Variants in MRTFB observed in about 807,000 individuals in gnomAD.
MRTFB encodes myocardin-related transcription factor B.
Under a neutral mutation model 104.2 loss-of-function variants are expected in MRTFB, and 29 were observed. The observed-to-expected ratio is 0.28, with a 90% CI of 0.21 to 0.38. The LOEUF (loss-of-function observed/expected upper bound fraction) is 0.38, where lower values mean the gene tolerates loss of function less well. Among genes scored for constraint, MRTFB ranks in the 10% least tolerant of loss-of-function variants. The pLI is 1.00. For synonymous variants in MRTFB, 535 were observed against 519.5 expected, an observed-to-expected ratio of 1.03 and a Z score of -0.41; for missense variants, 1,270 against 1,341.6, an observed-to-expected ratio of 0.95 and a Z score of 0.83.
intron 2 of MRTFB, among the ~76,000 whole-genome samples, chr16:14,092,117 A>G (rs1224220289): frequency 6.6e-6 from 1 of 152,178 alleles, no homozygotes; most frequent in Non-Finnish European, 1.5e-5. Flanking sequence ...TACAATGAGC[A>G]AAGTTTAGAT....
In MRTFB at chr16:14,177,903, G is replaced by GGGGTGTGTGTGT. The variant is rs1555495148; in HGVS notation, c.155-32339_155-32338insGGTGTGTGTGTG. Among the ~76,000 whole-genome samples the GGGGTGTGTGTGT allele has an allele frequency of 8.9e-5, 13 of 146,074 alleles. No individual in the cohort carries two copies. The highest frequency in any genetic ancestry group is 3.0e-4 in the African/African-American group (12 of 40,232). On this transcript the variant is annotated intron_variant, in intron 3 of 16. Coordinates refer to ENST00000571589, the MANE Select transcript of MRTFB (RefSeq NM_001308142.2). This position sits in a 1 kb window ranked among gnomAD's most constrained non-coding sequence, Gnocchi z 4.7. ...CGAGAAGTACATGAACCAGAGGTAG[G>GGGGTGTGTGTGT]GTGTGTGTGTGTGTGTGTGTGTGTG...
intron 2 of MRTFB, among the ~76,000 whole-genome samples, chr16:14,131,304 A>C (rs1345389742): frequency 6.6e-6 from 1 of 152,206 alleles, no homozygotes; most frequent in Non-Finnish European, 1.5e-5. Context: ...TCTCATACTT[A>C]AGAGAATGTA....
intron 2 of MRTFB, among the ~76,000 whole-genome samples, chr16:14,126,295 A>G (rs755323110): frequency 6.6e-6 from 1 of 152,162 alleles, no homozygotes; most frequent in Non-Finnish European, 1.5e-5. Flanking sequence ...TATTGGATTT[A>G]ACAATGCAAA....
At chr16:14,027,178 C>A in the MRTFB span, among the ~76,000 whole-genome samples, 6 of 152,106 alleles carry the variant, frequency 3.9e-5, no homozygotes, top group African/African-American at 1.4e-4. Context: ...GACAGATAAG[C>A]CAACTGCTAC....
intron 2 of MRTFB, among the ~76,000 whole-genome samples, chr16:14,127,806 T>A (rs2037195944): frequency 6.7e-6 from 1 of 148,952 alleles, no homozygotes; most frequent in Non-Finnish European, 1.5e-5. Context: ...ATATATATAT[T>A]TTCTTCTTTT....
chr16:14,148,504 A>G (rs963109786), intron 3 of MRTFB, among the ~76,000 whole-genome samples: 2 of 152,256 alleles, frequency 1.3e-5, no homozygotes, highest in African/African-American at 4.8e-5. Context: ...GACAGAAAAC[A>G]GTAAGACTGA....
At chr16:14,034,037 G>A in the MRTFB span, among the ~76,000 whole-genome samples, 175 of 152,194 alleles carry the variant, frequency 1.1e-3, 2 homozygotes, top group African/African-American at 3.8e-3. Context: ...CAGGTTGTCC[G>A]CTCCCGCCCT....
At chr16:14,113,556 T>A (rs1321294932) in intron 2 of MRTFB, among the ~76,000 whole-genome samples, 2 of 152,082 alleles carry the variant, frequency 1.3e-5, no homozygotes, top group Non-Finnish European at 2.9e-5. Context: ...ATTGTTATTG[T>A]GGGAGGTTGA....
chr16:14,183,821 C>A (rs551098319), intron 3 of MRTFB, among the ~76,000 whole-genome samples: 2 of 151,986 alleles, frequency 1.3e-5, no homozygotes, highest in Admixed American at 1.3e-4. Flanking sequence ...TTGATATAAA[C>A]CTACAGCAGA....
intron 3 of MRTFB, among the ~76,000 whole-genome samples, chr16:14,178,820 G>A (rs2039673623): frequency 6.6e-6 from 1 of 152,006 alleles, no homozygotes; most frequent in Non-Finnish European, 1.5e-5. Context: ...CCCCATTTCA[G>A]CTCACTGCAG....
rs572728279 is a variant in MRTFB at position 14,264,076 on chromosome 16, A to G, written c.*2632A>G. The G allele has an allele frequency of 2.6e-5, 4 of 152,286 alleles. No individual in the cohort carries two copies. The highest frequency in any genetic ancestry group is 3.4e-3 in the Middle Eastern group (1 of 294). 9.4% of individuals were successfully genotyped at this position (152,286 alleles called of 1,614,324 possible). On this transcript the variant is annotated 3_prime_UTR_variant, in exon 17 of 17. Coordinates refer to ENST00000571589, the MANE Select transcript of MRTFB (RefSeq NM_001308142.2). ...GAGGAAGGGTGGATATTGACTAAAG[A>G]CTGGTTGTTGTTGTTGTTTAGGTTA... is the stretch of plus-strand genomic sequence containing the variant.
At chr16:14,067,908 T>C (rs1224947846), upstream of MRTFB, among the ~76,000 whole-genome samples, 1 of 152,186 alleles carries the variant, frequency 6.6e-6, no homozygotes, top group Non-Finnish European at 1.5e-5. Flanking sequence ...CTCAGCTCAC[T>C]GCAACCTCCA....
At chr16:14,052,739 CAAA>C in the MRTFB span, among the ~76,000 whole-genome samples, 2 of 74,746 alleles carry the variant, frequency 2.7e-5, no homozygotes, top group Non-Finnish European at 3.0e-5. Context: ...AACTCCATCT[CAAA>C]AAAAAAAAAA....
At chr16:14,205,788 A>G (rs2040915139) in intron 3 of MRTFB, among the ~76,000 whole-genome samples, 1 of 152,194 alleles carries the variant, frequency 6.6e-6, no homozygotes, top group Non-Finnish European at 1.5e-5. Flanking sequence ...TGGCCATGGA[A>G]GATACTGTTA....
intron 3 of MRTFB, chr16:14,152,194 C>G (rs2038646389): frequency 6.6e-6 from 1 of 151,962 alleles, no homozygotes. Flanking sequence ...TCCAGGAAAT[C>G]TATGTCATAA....
intron 2 of MRTFB, among the ~76,000 whole-genome samples, chr16:14,101,583 A>T (rs1567323699): frequency 6.6e-6 from 1 of 152,202 alleles, no homozygotes; most frequent in Non-Finnish European, 1.5e-5. Context: ...TTGATTGACA[A>T]ATCTACTTTC....
At chr16:13,997,721 A>G in the MRTFB span, among the ~76,000 whole-genome samples, 4 of 137,438 alleles carry the variant, frequency 2.9e-5, no homozygotes, top group African/African-American at 1.1e-4. Context: ...TGAGCCCAGG[A>G]GGCGGAGGTT....
At chr16:14,168,415 T>G (rs904451941) in intron 3 of MRTFB, among the ~76,000 whole-genome samples, 1 of 152,214 alleles carries the variant, frequency 6.6e-6, no homozygotes, top group Non-Finnish European at 1.5e-5. Flanking sequence ...CTAGCCCCTC[T>G]GAGACAGCTA....
At chr16:14,201,819 G>A (rs372734907) in intron 3 of MRTFB, among the ~76,000 whole-genome samples, 4 of 152,072 alleles carry the variant, frequency 2.6e-5, no homozygotes, top group East Asian at 3.9e-4. Flanking sequence ...TGAATCTATC[G>A]TTTTCTTGCT....
Sources: gnomAD v4.1 joint callset for allele counts (sites outside exome capture counted in the v4.1 genomes callset) on GRCh38, gnomAD v4.1.1 for gene constraint, Gnocchi (gnomAD v3.1) non-coding constraint, MANE v1.5 for transcripts, NCBI Gene and HGNC (gene_info 2026-07-23, HGNC 2026-07-21) for gene names.